Variants in SMG6 observed in about 807,000 individuals in gnomAD.
SMG6 encodes telomerase-binding protein EST1A.
In SMG6, 66 loss-of-function variants were observed where a neutral mutation model predicts 142.2. The observed-to-expected ratio is 0.46, with a 90% confidence interval of 0.38 to 0.57. The LOEUF (loss-of-function observed/expected upper bound fraction) is 0.57. SMG6 is among the 20% of genes least tolerant of loss of function. The pLI is 0.00. For synonymous variants in SMG6, 779 were observed against 702.4 expected (o/e 1.11, Z -1.72); for missense variants, 1,793 against 1,832.0 (o/e 0.98, Z 0.39).
intron 13 of SMG6, among the ~76,000 whole-genome samples, chr17:2,133,783 G>A (rs2070200945): frequency 6.6e-6 from 1 of 152,186 alleles, no homozygotes; most frequent in South Asian, 2.1e-4. Flanking sequence ...TGACTCTTGA[G>A]ATGTAAATAG....
intron 8 of SMG6, among the ~76,000 whole-genome samples, chr17:2,264,344 T>TCTAATGCCAGACTTAAGATGCCC (rs1422400283): frequency 5.9e-5 from 9 of 152,260 alleles, no homozygotes; most frequent in African/African-American, 1.9e-4. Flanking sequence ...GCCAGAGTTC[T>TCTAATGCCAGACTTAAGATGCCC]GGCTTAAGTC....
intron 10 of SMG6, among the ~76,000 whole-genome samples, chr17:2,218,144 G>A (rs1305836328): frequency 2.0e-5 from 3 of 152,128 alleles, no homozygotes; most frequent in Non-Finnish European, 4.4e-5. Flanking sequence ...CTCTCTTGCT[G>A]TTCAGCTCAA....
chr17:2,303,595 GGGCA>G, intron 1 of SMG6, 34 bp downstream of exon 1: 1 of 1,390,884 alleles, frequency 7.2e-7, no homozygotes, highest in Non-Finnish European at 9.3e-7. Context: ...GAGGCGGGGC[GGGCA>G]GGCCCGGCCC....
intron 18 of SMG6, chr17:2,063,152 G>C (rs1191294875): frequency 6.6e-6 from 1 of 152,218 alleles, no homozygotes; most frequent in Non-Finnish European, 1.5e-5. Flanking sequence ...CCTTAGGTCA[G>C]CTAACCAAGG....
At chr17:2,229,036 A>G (rs1465390981) in intron 10 of SMG6, among the ~76,000 whole-genome samples, 1 of 152,176 alleles carries the variant, frequency 6.6e-6, no homozygotes, top group Non-Finnish European at 1.5e-5. Flanking sequence ...GATATTAGAC[A>G]TGATGGTGAA....
chr17:2,138,174 T>C (rs1161571852), intron 13 of SMG6, among the ~76,000 whole-genome samples: 1 of 151,814 alleles, frequency 6.6e-6, no homozygotes, highest in Non-Finnish European at 1.5e-5. Flanking sequence ...ACCCTGGAAT[T>C]TCAGAAAGAA....
intron 8 of SMG6, among the ~76,000 whole-genome samples, chr17:2,250,391 A>AC (rs2074020167): frequency 7.1e-6 from 1 of 139,878 alleles, no homozygotes; most frequent in Non-Finnish European, 1.6e-5. Flanking sequence ...TTTTATATAC[A>AC]CTTTTTTTTT....
At chr17:2,063,891 A>C (rs967282245) in intron 18 of SMG6, among the ~76,000 whole-genome samples, 1 of 152,188 alleles carries the variant, frequency 6.6e-6, no homozygotes, top group East Asian at 1.9e-4. Flanking sequence ...GGGACAGAAC[A>C]TAACCTCCTC....
At chr17:2,066,519 G>A (rs1314657819) in intron 16 of SMG6, among the ~76,000 whole-genome samples, 3 of 152,058 alleles carry the variant, frequency 2.0e-5, no homozygotes, top group Non-Finnish European at 4.4e-5. Flanking sequence ...GGGAGAGTTT[G>A]GGGTCTGAGG....
At position 2,292,586 on chromosome 17, in the gene SMG6, G is replaced by A; in HGVS notation, c.2303C>T (p.Pro768Leu). 6.2e-7 allele frequency: 1 copy of A among 1,614,188 alleles called. No individual in the cohort carries two copies. The highest frequency in any genetic ancestry group is 8.5e-7 in the Non-Finnish European group (1 of 1,180,028). ...TGCCAGCAAAGCCAACTGGTTATAG[G>A]GGCGCCCATTCTTGGGAGCAATGTG... is the stretch of plus-strand genomic sequence containing the variant. The part of the protein sequence containing the change: ...AQHIAPKNGR[P>L]YNQLALLAVY... The change falls in exon 6 of 19, where the codon CCC becomes CTC. Residue 768 changes from proline to leucine, a missense_variant. Pro to Leu is a moderately conservative substitution (Grantham distance 98). Transcript: ENST00000263073.
chr17:2,163,628 G>GTTA (rs2071245764), intron 13 of SMG6, among the ~76,000 whole-genome samples: 1 of 151,566 alleles, frequency 6.6e-6, no homozygotes, highest in Admixed American at 6.6e-5. Context: ...AATGTATCAT[G>GTTA]TTATTATCTA....
chr17:2,221,441 C>T (rs1488536214), intron 10 of SMG6, among the ~76,000 whole-genome samples: 1 of 152,162 alleles, frequency 6.6e-6, no homozygotes, highest in Non-Finnish European at 1.5e-5. Context: ...CCTCCCTAGC[C>T]ATGTTTCCTG....
intron 8 of SMG6, among the ~76,000 whole-genome samples, chr17:2,248,533 C>T (rs1033004021): frequency 1.3e-5 from 2 of 152,184 alleles, no homozygotes; most frequent in African/African-American, 4.8e-5. Flanking sequence ...TTACCTGAGT[C>T]TGTACTTGCC....
chr17:2,189,584 A>C (rs1420273642), intron 10 of SMG6, among the ~76,000 whole-genome samples: 15 of 152,112 alleles, frequency 9.9e-5, no homozygotes, highest in Admixed American at 9.8e-4. Flanking sequence ...TAATCAGCTG[A>C]ATGTCTGATC....
chr17:2,187,028 C>A (rs1471163654), intron 11 of SMG6, among the ~76,000 whole-genome samples, 197 bp from the exon 12 acceptor site: 2 of 152,244 alleles, frequency 1.3e-5, no homozygotes, highest in East Asian at 3.8e-4. Flanking sequence ...TGTACTGGGT[C>A]TGCCCCTGGA....
intron 6 of SMG6, among the ~76,000 whole-genome samples, chr17:2,289,897 C>T (rs2074992444): frequency 6.7e-6 from 1 of 148,606 alleles, no homozygotes; most frequent in Non-Finnish European, 1.5e-5. Flanking sequence ...GCCTGCGCAA[C>T]AAAGCGAGGC....
In SMG6 at chr17:2,297,233, G is replaced by A. The variant is rs188056790; in HGVS notation, c.2151+10C>T. ...ATGAAAATTTAAGATACATAAAGAA[G>A]GTAGCTTACTGTCTTGCGTAATGGC... On this transcript the variant is annotated intron_variant, in intron 4 of 18. Coordinates refer to ENST00000263073, the MANE Select transcript of SMG6 (RefSeq NM_017575.5). The A allele has an allele frequency of 1.4e-3, 2,201 of 1,568,838 alleles. 3 individuals carry two copies. The highest frequency in any genetic ancestry group is 2.2e-3 in the Middle Eastern group (13 of 5,856).
At chr17:2,277,775 T>C (rs1370655660) in intron 8 of SMG6, among the ~76,000 whole-genome samples, 1 of 152,236 alleles carries the variant, frequency 6.6e-6, no homozygotes, top group Non-Finnish European at 1.5e-5. Context: ...CCAGGCTTGG[T>C]GGCTCACACC....
chr17:2,215,668 G>T (rs1026612386), intron 10 of SMG6: 1 of 152,116 alleles, frequency 6.6e-6, no homozygotes, highest in Non-Finnish European at 1.5e-5. Flanking sequence ...GTGTGTGTGG[G>T]GGGGGATCTC....
Sources: allele counts gnomAD v4.1 joint callset (sites outside exome capture counted in the v4.1 genomes callset), GRCh38; gene constraint gnomAD v4.1.1; transcripts MANE v1.5; gene names NCBI Gene and HGNC (gene_info 2026-07-23, HGNC 2026-07-21).